Variants in AFF1 observed in about 807,000 individuals in gnomAD.
AFF1 encodes ALF transcription elongation factor 1.
Under a neutral mutation model 121.7 loss-of-function variants are expected in AFF1, and 48 were observed. The observed-to-expected ratio is 0.39, with a 90% CI of 0.31 to 0.50. AFF1 has a LOEUF of 0.50. Ranked by LOEUF, AFF1 falls within the 20% of genes least tolerant of loss-of-function variation. The pLI, the probability that AFF1 is intolerant of heterozygous loss-of-function variation, is 0.76. For synonymous variants in AFF1, 613 were observed against 563.0 expected, an observed-to-expected ratio of 1.09 and a Z score of -1.26; for missense variants, 1,523 against 1,511.7, an observed-to-expected ratio of 1.01 and a Z score of -0.12.
intron 1 of AFF1, 136 bp from the exon 2 acceptor site, chr4:86,948,362 G>A: frequency 1.8e-6 from 1 of 565,584 alleles, no homozygotes; most frequent in African/African-American, 1.9e-5. Flanking sequence ...CATACAACTT[G>A]GGAATTGGAG....
rs60572291 is a variant in AFF1 at position 87,077,264 on chromosome 4, T to TA, written c.1060-6855dup. ...AGTCCTGTGGCAACTCGAGTTCCAT[T>TA]AGGGAAGGCTGACTGGAAATCTGTT... On this transcript the variant is annotated intron_variant, in intron 4 of 20. Transcript: ENST00000395146. 2.7e-3 allele frequency among the ~76,000 whole-genome samples: 405 copies of TA among 150,704 alleles called. 1 individual carries two copies. Among genetic ancestry groups the TA allele is most frequent in the African/African-American group, 9.7e-3 (397 of 40,822 alleles).
intron 4 of AFF1, among the ~76,000 whole-genome samples, chr4:87,068,264 C>CG (rs1553925981): frequency 2.0e-5 from 3 of 146,462 alleles, no homozygotes; most frequent in African/African-American, 7.5e-5. Context: ...ATTGCCCCCC[C>CG]CCCACTCCAT....
In AFF1 at chr4:87,095,075, A is replaced by C. The variant is rs573906578; in HGVS notation, c.1283+106A>C. The stretch of plus-strand genomic sequence containing the variant: ...TCTGCCTTTATGTAATGACATTAAT[A>C]AGACTGCTGCATTCTAAAGGGAAGA... On this transcript the variant is annotated intron_variant, in intron 8 of 20. Transcript: ENST00000395146. 7.7e-5 allele frequency: 82 copies of C among 1,059,420 alleles called. No homozygotes were observed. In the South Asian group the frequency reaches 1.1e-3, roughly 14 times the overall value. 65.6% of individuals were successfully genotyped at this position (1,059,420 alleles called of 1,614,324 possible). A position where few individuals can be genotyped will look rare whatever the true frequency, so the allele number is the denominator to read the frequency against.
chr4:87,083,480 C>G (rs1723374523), intron 4 of AFF1, among the ~76,000 whole-genome samples: 1 of 152,184 alleles, frequency 6.6e-6, no homozygotes, highest in Non-Finnish European at 1.5e-5. Flanking sequence ...CTTGATTGGA[C>G]TTAGCTCCTT....
intron 2 of AFF1, among the ~76,000 whole-genome samples, chr4:87,028,594 CT>C (rs1578099341): frequency 6.6e-6 from 1 of 151,956 alleles, no homozygotes; most frequent in African/African-American, 2.4e-5. Context: ...ATTTAAATTC[CT>C]TGAGGTCTCA....
chr4:87,030,651 CT>C (rs36017297), intron 2 of AFF1, among the ~76,000 whole-genome samples: 94,353 of 148,828 alleles, frequency 0.63, 32,516 homozygotes, highest in South Asian at 0.8. Context: ...TTACACTGAG[CT>C]TTTTTTTTTT....
At chr4:87,075,827 C>T (rs1722611561) in intron 4 of AFF1, among the ~76,000 whole-genome samples, 1 of 152,066 alleles carries the variant, frequency 6.6e-6, no homozygotes, top group African/African-American at 2.4e-5. Flanking sequence ...TATATTGCTT[C>T]CCAGGAAAGA....
intron 8 of AFF1, among the ~76,000 whole-genome samples, chr4:87,099,534 G>T (rs1447215192): frequency 6.6e-6 from 1 of 152,080 alleles, no homozygotes; most frequent in Admixed American, 6.6e-5. Context: ...TTAGCCTCTC[G>T]AGTAGCTGGG....
intron 11 of AFF1, among the ~76,000 whole-genome samples, chr4:87,110,743 A>G (rs1408900745): frequency 6.6e-6 from 1 of 152,050 alleles, no homozygotes; most frequent in Non-Finnish European, 1.5e-5. Flanking sequence ...ATTCAAAATC[A>G]TAATTCATTC....
chr4:86,996,528 A>G (rs1725215863), intron 2 of AFF1, among the ~76,000 whole-genome samples: 2 of 151,284 alleles, frequency 1.3e-5, no homozygotes, highest in South Asian at 2.1e-4. Context: ...TGAAGGCAGC[A>G]TGCTCGTTAA....
rs1578826861 is a variant in AFF1 at position 86,948,489 on chromosome 4, C to G, written c.-36-9C>G. 1 of 1,527,546 alleles carries G rather than the reference C, an allele frequency of 6.5e-7. No homozygotes were observed. 94.6% of individuals were successfully genotyped at this position (1,527,546 alleles called of 1,614,324 possible). ...AATGTTCACAGGCTACTCTTTGTTTCTCTTTCAGATGAACAGACTAGCCAC... is the reference window on the plus strand; with the variant it reads ...AATGTTCACAGGCTACTCTTTGTTTGTCTTTCAGATGAACAGACTAGCCAC... On this transcript the variant is annotated splice_polypyrimidine_tract_variant and intron_variant, in intron 1 of 20. Coordinates refer to ENST00000395146, the MANE Select transcript of AFF1 (RefSeq NM_001166693.3).
chr4:87,007,127 A>C, intron 2 of AFF1: 1 of 1,267,152 alleles, frequency 7.9e-7, no homozygotes, highest in Non-Finnish European at 9.9e-7. Context: ...CTTGCCCCGG[A>C]TTCGGACGCG....
At chr4:87,064,505 G>A (rs573528342) in intron 4 of AFF1, among the ~76,000 whole-genome samples, 2 of 152,338 alleles carry the variant, frequency 1.3e-5, no homozygotes, top group African/African-American at 4.8e-5. Context: ...ACTTTGGGAA[G>A]CCGAGGCAGG....
intron 2 of AFF1, chr4:87,007,096 A>G: frequency 4.8e-6 from 6 of 1,248,952 alleles, no homozygotes; most frequent in Non-Finnish European, 5.0e-6. Context: ...CCCTTCTCAG[A>G]AACTGCGCCG....
chr4:86,935,821 G>C (rs1019725357), intron 1 of AFF1: 1 of 152,240 alleles, frequency 6.6e-6, no homozygotes, highest in Non-Finnish European at 1.5e-5. Context: ...CAGGGACAGA[G>C]GGAGAGGCGT....
chr4:87,006,424 C>G (rs910484722), intron 2 of AFF1, among the ~76,000 whole-genome samples: 5 of 152,160 alleles, frequency 3.3e-5, no homozygotes, highest in African/African-American at 1.2e-4. Flanking sequence ...TTTTTGTTTG[C>G]TTCTTGTCAA....
intron 2 of AFF1, among the ~76,000 whole-genome samples, chr4:86,991,466 A>G (rs1724711010): frequency 6.6e-6 from 1 of 151,940 alleles, no homozygotes; most frequent in African/African-American, 2.4e-5. Flanking sequence ...AAAAAGAAAT[A>G]TGCAGCCAAC....
In AFF1 at chr4:87,102,272, A is replaced by G. The variant is rs559230618; in HGVS notation, c.1284-3356A>G. On this transcript the variant is annotated intron_variant, in intron 8 of 20. Coordinates refer to ENST00000395146, the MANE Select transcript of AFF1 (RefSeq NM_001166693.3). ...AACTGCCTTGACTTGGCATTTGGAA[A>G]TGAAACTTGTTATTTGACCAGTTAA... Among the ~76,000 whole-genome samples the G allele has an allele frequency of 6.6e-5, 10 of 152,376 alleles. No individual in the cohort carries two copies. In the East Asian group the frequency reaches 1.2e-3, roughly 18 times the overall value.
intron 4 of AFF1, among the ~76,000 whole-genome samples, chr4:87,063,228 C>CTTTTTTTTGTTTTTTTTTTT (rs1720963860): frequency 2.3e-5 from 1 of 44,402 alleles, no homozygotes; most frequent in South Asian, 1.0e-3. Context: ...AGATTCACCT[C>CTTTTTTTTGTTTTTTTTTTT]TTTTTTTTTT....
Sources: allele counts gnomAD v4.1 joint callset (sites outside exome capture counted in the v4.1 genomes callset), GRCh38; gene constraint gnomAD v4.1.1; transcripts MANE v1.5; gene names NCBI Gene and HGNC (gene_info 2026-07-23, HGNC 2026-07-21).